ERC1: variants seen among roughly 807,000 people sequenced by gnomAD.
ERC1 encodes RAB6 interacting protein 2.
In ERC1, 56 loss-of-function variants were observed where a neutral mutation model predicts 132.0. That is an observed-to-expected ratio of 0.42 (90% CI 0.34 to 0.53). The LOEUF is 0.53. Ranked by LOEUF, ERC1 falls within the 20% of genes least tolerant of loss-of-function variation. The pLI is 0.03. For missense variants in ERC1, 1,202 were observed against 1,349.9 expected, an observed-to-expected ratio of 0.89 and a Z score of 1.72; for synonymous variants, 478 against 476.1, an observed-to-expected ratio of 1.00 and a Z score of -0.05.
chr12:1,235,416 G>A (rs540885107), intron 12 of ERC1, among the ~76,000 whole-genome samples: 1 of 152,238 alleles, frequency 6.6e-6, no homozygotes, highest in South Asian at 2.1e-4. Flanking sequence ...TCATAGACTA[G>A]AAGAAAATAC....
chr12:1,078,521 C>T (rs750253026), intron 2 of ERC1, among the ~76,000 whole-genome samples: 1 of 151,158 alleles, frequency 6.6e-6, no homozygotes, highest in African/African-American at 2.4e-5. Context: ...TGAAAGCTCA[C>T]TGCTTGCTAA....
At chr12:1,339,609 C>T (rs934929161) in intron 15 of ERC1, among the ~76,000 whole-genome samples, 21 of 152,054 alleles carry the variant, frequency 1.4e-4, no homozygotes, top group African/African-American at 3.6e-4. Flanking sequence ...CAGGGGGTGC[C>T]AGGGTGCCTG....
At chr12:1,461,038 A>C (rs1281696466) in intron 18 of ERC1, among the ~76,000 whole-genome samples, 1 of 149,628 alleles carries the variant, frequency 6.7e-6, no homozygotes, top group African/African-American at 2.5e-5. Context: ...TACAAAAGAA[A>C]TATTTTAGTT....
intron 18 of ERC1, among the ~76,000 whole-genome samples, chr12:1,486,720 C>G (rs7299383): frequency 6.6e-6 from 1 of 152,016 alleles, no homozygotes; most frequent in Non-Finnish European, 1.5e-5. Context: ...CCACCGCACC[C>G]GGCTGTGAAA....
chr12:1,249,856 G>C (rs2076367458), intron 13 of ERC1, among the ~76,000 whole-genome samples: 1 of 152,180 alleles, frequency 6.6e-6, no homozygotes, highest in South Asian at 2.1e-4. Context: ...TTCTTGTTGT[G>C]TCCTCACATG....
At chr12:1,403,564 C>T (rs1345965431) in intron 16 of ERC1, among the ~76,000 whole-genome samples, 2 of 152,150 alleles carry the variant, frequency 1.3e-5, no homozygotes, top group South Asian at 2.1e-4. Flanking sequence ...CTTTGATCAT[C>T]TTCGTGTCTT....
At chr12:1,392,400 C>T (rs2090048958) in intron 16 of ERC1, among the ~76,000 whole-genome samples, 1 of 152,148 alleles carries the variant, frequency 6.6e-6, no homozygotes, top group Non-Finnish European at 1.5e-5. Flanking sequence ...ATGTTCTGGG[C>T]TTAGATATCT....
rs545299590 is a variant in ERC1, at chr12:1,492,671, G to A, written c.*2441G>A. The stretch of plus-strand genomic sequence containing the variant: ...AGCATTTCCGGGACCGATATCATCT[G>A]TCTGGTCTCTGTGAACAGCAAGGAA... On this transcript the variant is annotated 3_prime_UTR_variant, in exon 19 of 19. Coordinates refer to ENST00000360905, the MANE Select transcript of ERC1 (RefSeq NM_178040.4). 4.3e-6 allele frequency: 1 copy of A among 232,954 alleles called. No homozygotes were observed. The highest frequency in any genetic ancestry group is 1.8e-4 in the South Asian group (1 of 5,528). The allele number at this position is 232,954 out of a possible 1,614,324, so 14.4% of individuals were successfully genotyped here. A position where few individuals can be genotyped will look rare whatever the true frequency, so the allele number is the denominator to read the frequency against.
At chr12:1,427,945 G>A (rs1160822337) in intron 17 of ERC1, among the ~76,000 whole-genome samples, 1 of 152,214 alleles carries the variant, frequency 6.6e-6, no homozygotes, top group African/African-American at 2.4e-5. Flanking sequence ...ATCATTTATA[G>A]TGTTTCACAG....
At chr12:1,331,305 T>A (rs1338857336) in intron 15 of ERC1, among the ~76,000 whole-genome samples, 1 of 152,228 alleles carries the variant, frequency 6.6e-6, no homozygotes, top group Non-Finnish European at 1.5e-5. Flanking sequence ...TGTTGTGAGT[T>A]TTACTCATGT....
Position 1,100,790 on chromosome 12 carries a change from G to A in ERC1, c.1087-3960G>A, listed in dbSNP as rs561214109. ...ACTCCAGGAAAGTAAAGGTACATACGAGTATGGATTTCAGTAGGAGGTAAA... is the reference window on the plus strand; with the variant it reads ...ACTCCAGGAAAGTAAAGGTACATACAAGTATGGATTTCAGTAGGAGGTAAA... On this transcript the variant is annotated intron_variant, in intron 3 of 18. Transcript: ENST00000360905. Among the ~76,000 whole-genome samples the A allele has an allele frequency of 2.0e-5, 3 of 152,280 alleles. No individual in the cohort carries two copies. The South Asian group carries it at 6.2e-4, about 32-fold the overall frequency.
At chr12:1,243,073 G>T (rs1170811549) in intron 13 of ERC1, among the ~76,000 whole-genome samples, 1 of 151,574 alleles carries the variant, frequency 6.6e-6, no homozygotes, top group Non-Finnish European at 1.5e-5. Flanking sequence ...TGTAGTCCCA[G>T]CTACTCGGGA....
In ERC1 at chr12:1,119,593, C is replaced by T. The variant is rs11608337; in HGVS notation, c.1569+3560C>T. 1.8e-3 allele frequency among the ~76,000 whole-genome samples: 259 copies of T among 143,192 alleles called. 2 individuals carry two copies. The highest frequency in any genetic ancestry group is 3.1e-3 in the South Asian group (14 of 4,476). The allele number at this position is 143,192 out of a possible 152,430, so 93.9% of individuals were successfully genotyped here. A position where few individuals can be genotyped will look rare whatever the true frequency, so the allele number is the denominator to read the frequency against. On this transcript the variant is annotated intron_variant, in intron 7 of 18. Coordinates refer to ENST00000360905, the MANE Select transcript of ERC1 (RefSeq NM_178040.4). Reference sequence around the variant, plus strand: ...TGAGATGGAGTTTTGCTCTTGTTGCCCAGGCTGGAGTGCAATAGCACAATC... The same window carrying T: ...TGAGATGGAGTTTTGCTCTTGTTGCTCAGGCTGGAGTGCAATAGCACAATC...
intron 2 of ERC1, among the ~76,000 whole-genome samples, chr12:1,076,397 C>CTTT (rs71293129): frequency 1.5e-5 from 2 of 131,024 alleles, no homozygotes; most frequent in Non-Finnish European, 3.2e-5. Context: ...TTTTCTTTTT[C>CTTT]TTTTTTTTTT....
chr12:1,258,064 AAAG>A (rs1236384905), intron 13 of ERC1, among the ~76,000 whole-genome samples: 1 of 152,212 alleles, frequency 6.6e-6, no homozygotes, highest in Non-Finnish European at 1.5e-5. Context: ...TATATTAGCT[AAAG>A]AAGAATATTT....
intron 12 of ERC1, among the ~76,000 whole-genome samples, chr12:1,206,528 C>T (rs1338078915): frequency 6.6e-6 from 1 of 152,036 alleles, no homozygotes; most frequent in South Asian, 2.1e-4. Context: ...GCATTCAGTA[C>T]AGAGTAGTGA....
At chr12:1,069,142 G>T (rs1939856140) in intron 2 of ERC1, among the ~76,000 whole-genome samples, 1 of 152,096 alleles carries the variant, frequency 6.6e-6, no homozygotes, top group African/African-American at 2.4e-5. Context: ...CTTATTGATG[G>T]ACTTGAATGC....
At position 1,394,046 on chromosome 12, in the gene ERC1, C is replaced by CAAAAAAAAAAAAA. The variant is rs1555389413; in HGVS notation, c.2926-14102_2926-14101insAAAAAAAAAAAAA. Among the ~76,000 whole-genome samples, 15 of 70,806 alleles carry CAAAAAAAAAAAAA rather than the reference C, an allele frequency of 2.1e-4. 1 individual carries two copies. The highest frequency in any genetic ancestry group is 6.5e-4 in the African/African-American group (13 of 19,980). 46.5% of individuals were successfully genotyped at this position (70,806 alleles called of 152,430 possible). ...AAAAAAAAAAAAACAAAAAAAAAAC[C>CAAAAAAAAAAAAA]ACAAAGCATTAAGCAATTTAATTTC... is the stretch of plus-strand genomic sequence containing the variant. On this transcript the variant is annotated intron_variant, in intron 16 of 18. Transcript: ENST00000360905.
At chr12:1,440,477 A>G (rs1464172844) in intron 17 of ERC1, among the ~76,000 whole-genome samples, 3 of 143,292 alleles carry the variant, frequency 2.1e-5, no homozygotes, top group African/African-American at 5.3e-5. Context: ...AAGTGCTGCG[A>G]TTACAGGTGT....
Sources: allele counts gnomAD v4.1 joint callset (sites outside exome capture counted in the v4.1 genomes callset), GRCh38; gene constraint gnomAD v4.1.1; transcripts MANE v1.5; gene names NCBI Gene and HGNC (gene_info 2026-07-23, HGNC 2026-07-21).